The following ANGPT2 variants were observed in gnomAD, a reference collection of about 807,000 sequenced individuals.
ANGPT2 encodes the protein angiopoietin 2, also known as angiopoietin-2.
ANGPT2 carries 28 observed loss-of-function variants against 62.9 expected under a neutral mutation model. The observed-to-expected ratio is 0.44, with a 90% CI of 0.33 to 0.61. The LOEUF is 0.61. ANGPT2 is among the 20% of genes least tolerant of loss of function. The pLI, the probability that ANGPT2 is intolerant of heterozygous loss-of-function variation, is 0.03. For synonymous variants in ANGPT2, 284 were observed against 207.8 expected, an observed-to-expected ratio of 1.37 and a Z score of -3.15; for missense variants, 727 against 594.9, an observed-to-expected ratio of 1.22 and a Z score of -2.31.
rs557217605 is a variant in ANGPT2 at position 6,546,538 on chromosome 8, T to A, written c.289-14051A>T. 2.4e-4 allele frequency among the ~76,000 whole-genome samples: 27 copies of A among 113,336 alleles called. No individual in the cohort carries two copies. The East Asian group carries it at 6.0e-3, about 25-fold the overall frequency. The allele number at this position is 113,336 out of a possible 152,430, so 74.4% of individuals were successfully genotyped here. A position where few individuals can be genotyped will look rare whatever the true frequency, so the allele number is the denominator to read the frequency against. ...GTTACTTAAGAAAGAAAATAAAGGA[T>A]CTTTTTTTAAAACTCAATTTATATG... On this transcript the variant is annotated intron_variant, in intron 1 of 8. Coordinates refer to ENST00000629816, the MANE Select transcript of ANGPT2 (RefSeq NM_001118887.2).
rs376665968 is a variant in ANGPT2, at chr8:6,512,496, T to A, written c.1196+1182A>T. 1.2e-4 allele frequency among the ~76,000 whole-genome samples: 19 copies of A among 152,324 alleles called. 1 individual carries two copies. The highest frequency in any genetic ancestry group is 4.6e-4 in the Admixed American group (7 of 15,298). On this transcript the variant is annotated intron_variant, in intron 7 of 8. Coordinates refer to ENST00000629816, the MANE Select transcript of ANGPT2 (RefSeq NM_001118887.2). ...TTCTGACCTCAAAGTGGGTATTTCATAATGTGTGCTCCATGATCACGAGGC... is the reference window on the plus strand; with the variant it reads ...TTCTGACCTCAAAGTGGGTATTTCAAAATGTGTGCTCCATGATCACGAGGC...
intron 5 of ANGPT2, among the ~76,000 whole-genome samples, chr8:6,517,469 C>T (rs561555704): frequency 6.6e-6 from 1 of 152,294 alleles, no homozygotes; most frequent in East Asian, 1.9e-4. Flanking sequence ...GTAGAAGAAC[C>T]AAATGAATTT....
chr8:6,550,943 T>C (rs1823540493), intron 1 of ANGPT2, among the ~76,000 whole-genome samples: 1 of 152,178 alleles, frequency 6.6e-6, no homozygotes, highest in Admixed American at 6.5e-5. Context: ...AGTGCCTCTC[T>C]CTGTTTTGAC....
intron 1 of ANGPT2, among the ~76,000 whole-genome samples, chr8:6,539,734 A>T (rs1256635864): frequency 2.0e-5 from 3 of 152,066 alleles, no homozygotes; most frequent in African/African-American, 7.2e-5. Context: ...TTACAGGCGC[A>T]CACCACCATG....
At position 6,519,811 on chromosome 8, in the gene ANGPT2, T is replaced by G. The variant is rs1418843033; in HGVS notation, c.927+53A>C. ...TTCTGCTCTCTGGTTCCTCACTCACTAAAGTGGCCTGCCTAGAGCCAGGGA... is the reference window on the plus strand; with the variant it reads ...TTCTGCTCTCTGGTTCCTCACTCACGAAAGTGGCCTGCCTAGAGCCAGGGA... On this transcript the variant is annotated intron_variant, in intron 5 of 8. Transcript: ENST00000629816. The G allele has an allele frequency of 3.8e-6, 6 of 1,597,088 alleles. No individual in the cohort carries two copies. In the African/African-American group the frequency reaches 8.0e-5, roughly 21 times the overall value.
chr8:6,547,728 C>T (rs1004543981), intron 1 of ANGPT2, among the ~76,000 whole-genome samples: 15 of 152,096 alleles, frequency 9.9e-5, no homozygotes, highest in Admixed American at 7.9e-4. Flanking sequence ...ACACAAGTCA[C>T]TAGAGATTCC....
intron 1 of ANGPT2, among the ~76,000 whole-genome samples, chr8:6,535,498 G>A (rs1224554774): frequency 6.6e-6 from 1 of 152,194 alleles, no homozygotes; most frequent in African/African-American, 2.4e-5. Flanking sequence ...CACAGTGGGT[G>A]AGCTAATGTG....
At chr8:6,512,238 G>C (rs937359243) in intron 7 of ANGPT2, among the ~76,000 whole-genome samples, 2 of 152,178 alleles carry the variant, frequency 1.3e-5, no homozygotes, top group African/African-American at 4.8e-5. Flanking sequence ...ACTGGGCATT[G>C]TAGAGTTTTC....
At chr8:6,504,685 A>G (rs1165801952) in intron 8 of ANGPT2, among the ~76,000 whole-genome samples, 2 of 152,220 alleles carry the variant, frequency 1.3e-5, no homozygotes, top group Non-Finnish European at 2.9e-5. Flanking sequence ...ATCGTACACT[A>G]AGGATGCTAA....
chr8:6,508,702 C>T (rs1436298706), intron 8 of ANGPT2: 2 of 629,364 alleles, frequency 3.2e-6, no homozygotes, highest in East Asian at 2.7e-5. Context: ...GGGCTAGGTC[C>T]TGAGGAGACA....
At position 6,545,838 on chromosome 8, in the gene ANGPT2, A is replaced by T. The variant is rs116313919; in HGVS notation, c.289-13351T>A. 4.1e-3 allele frequency among the ~76,000 whole-genome samples: 627 copies of T among 152,372 alleles called. 6 individuals are homozygous for T. Among genetic ancestry groups the T allele is most frequent in the African/African-American group, 0.014 (568 of 41,588 alleles). ...GGAATAAATACAAGATTACTCTGAG[A>T]AAAGTGAAATCGATTGAATTTAGTT... On this transcript the variant is annotated intron_variant, in intron 1 of 8. Transcript: ENST00000629816.
At chr8:6,518,716 C>G (rs1038430292) in intron 5 of ANGPT2, among the ~76,000 whole-genome samples, 6 of 152,292 alleles carry the variant, frequency 3.9e-5, no homozygotes, top group Non-Finnish European at 5.9e-5. Flanking sequence ...ACAGTATCCA[C>G]TGTATTCTCT....
chr8:6,500,261 A>G lies in ANGPT2; in HGVS notation c.*2840T>C, dbSNP rs914604310. The G allele has an allele frequency of 5.3e-5, 17 of 322,790 alleles. No homozygotes were observed. The highest frequency in any genetic ancestry group is 9.6e-5 in the Non-Finnish European group (16 of 167,462). The allele number at this position is 322,790 out of a possible 1,614,324, so 20.0% of individuals were successfully genotyped here. Reference sequence around the variant, plus strand: ...GCTTAATGTTTTTACTGTTAATAGAAATAGAACTGATAGGTATAAAGATTA... The same window carrying G: ...GCTTAATGTTTTTACTGTTAATAGAGATAGAACTGATAGGTATAAAGATTA... On this transcript the variant is annotated 3_prime_UTR_variant, in exon 9 of 9. Transcript: ENST00000629816.
intron 8 of ANGPT2, among the ~76,000 whole-genome samples, chr8:6,506,925 C>T (rs1304936295): frequency 6.6e-6 from 1 of 151,344 alleles, no homozygotes; most frequent in African/African-American, 2.4e-5. Flanking sequence ...GAGACGGAGT[C>T]TCACTCTTGT....
At chr8:6,528,594 G>A (rs1245435921) in intron 2 of ANGPT2, among the ~76,000 whole-genome samples, 1 of 152,192 alleles carries the variant, frequency 6.6e-6, no homozygotes, top group Non-Finnish European at 1.5e-5. Context: ...CTTGCCGTGC[G>A]GGCCTTTGTG....
chr8:6,539,292 A>G (rs1401599984), intron 1 of ANGPT2, among the ~76,000 whole-genome samples: 1 of 152,110 alleles, frequency 6.6e-6, no homozygotes, highest in Non-Finnish European at 1.5e-5. Context: ...AATTTCTAGA[A>G]CCTAGAAAAG....
chr8:6,551,840 G>A (rs987961086), intron 1 of ANGPT2, among the ~76,000 whole-genome samples: 25 of 152,138 alleles, frequency 1.6e-4, no homozygotes, highest in African/African-American at 5.1e-4. Flanking sequence ...GTACTTTCTC[G>A]AGCAGAATTT....
At chr8:6,546,919 G>A (rs1822687436) in intron 1 of ANGPT2, among the ~76,000 whole-genome samples, 1 of 152,168 alleles carries the variant, frequency 6.6e-6, no homozygotes, top group African/African-American at 2.4e-5. Context: ...CCTAACTTCT[G>A]AAATCACTAG....
At chr8:6,529,495 A>G (rs144267769) in intron 2 of ANGPT2, among the ~76,000 whole-genome samples, 1,629 of 145,860 alleles carry the variant, frequency 0.011, 29 homozygotes, top group African/African-American at 0.04. Context: ...TCTGTTGCCC[A>G]GGCTGCAGTG....
Sources: gnomAD v4.1 joint callset for allele counts (sites outside exome capture counted in the v4.1 genomes callset) on GRCh38, gnomAD v4.1.1 for gene constraint, MANE v1.5 for transcripts, NCBI Gene and HGNC (gene_info 2026-07-23, HGNC 2026-07-21) for gene names.